POT1: variants seen among roughly 807,000 people sequenced by gnomAD.
POT1 encodes the protein protection of telomeres 1.
In POT1, 47 loss-of-function variants were observed where a neutral mutation model predicts 78.5. The ratio of observed to expected loss-of-function variants is 0.60; its 90% CI spans 0.47 to 0.76. The LOEUF (loss-of-function observed/expected upper bound fraction) is 0.76, where lower values mean the gene tolerates loss of function less well. POT1 is among the 30% of genes least tolerant of loss of function. The pLI, the probability that POT1 is intolerant of heterozygous loss-of-function variation, is 0.00. For missense variants in POT1, 646 were observed against 749.9 expected, an observed-to-expected ratio of 0.86 and a Z score of 1.62; for synonymous variants, 259 against 260.7, an observed-to-expected ratio of 0.99 and a Z score of 0.06.
intron 3 of POT1, among the ~76,000 whole-genome samples, chr7:124,912,392 A>T (rs1796908389): frequency 6.6e-6 from 1 of 152,110 alleles, no homozygotes; most frequent in Non-Finnish European, 1.5e-5. Flanking sequence ...CTGTTCTAGA[A>T]TACTCTTACT....
At chr7:124,830,380 C>A (rs1269684194) in intron 15 of POT1, among the ~76,000 whole-genome samples, 2 of 152,070 alleles carry the variant, frequency 1.3e-5, no homozygotes, top group Non-Finnish European at 2.9e-5. Flanking sequence ...AATTTGTTTT[C>A]ATTTGCACTT....
At chr7:124,873,760 C>T (rs543594921) in intron 6 of POT1, among the ~76,000 whole-genome samples, 2 of 152,100 alleles carry the variant, frequency 1.3e-5, no homozygotes, top group Non-Finnish European at 1.5e-5. Context: ...CTTCCTAGTC[C>T]CCTAGTAATG....
intron 6 of POT1, among the ~76,000 whole-genome samples, chr7:124,879,634 T>C (rs1411837557): frequency 6.6e-6 from 1 of 152,100 alleles, no homozygotes; most frequent in African/African-American, 2.4e-5. Context: ...TAAGACATAC[T>C]TGGAAAAGAA....
intron 10 of POT1, 50 bp downstream of exon 10, chr7:124,852,922 A>G: frequency 6.6e-7 from 1 of 1,513,012 alleles, no homozygotes; most frequent in Non-Finnish European, 9.0e-7. Flanking sequence ...TATCTTAGAA[A>G]TCGGCTTAAT....
rs1794707959 is a variant in POT1, at chr7:124,829,403, AC to A, written c.1506-62del. 1.4e-5 allele frequency: 15 copies of A among 1,041,992 alleles called. No individual in the cohort carries two copies. The South Asian group carries it at 2.2e-4, about 15-fold the overall frequency. The allele number at this position is 1,041,992 out of a possible 1,614,324, so 64.5% of individuals were successfully genotyped here. On this transcript the variant is annotated intron_variant, in intron 15 of 18. Transcript: ENST00000357628. ...AAAATAATTTAGCTTGTTTGTTATA[AC>A]TTTTTACTGCTCAAACATGTGTAGT...
Position 124,823,984 on chromosome 7 carries a change from G to A in POT1, c.1883C>T (p.Thr628Ile). 1 of 1,588,732 alleles carries A rather than the reference G, an allele frequency of 6.3e-7. No homozygotes were observed. Among genetic ancestry groups the A allele is most frequent in the Non-Finnish European group, 8.6e-7 (1 of 1,158,418 alleles). Residue 628 changes from threonine to isoleucine, a missense_variant, in exon 19 of 19, where the codon ACA (threonine) becomes ATA (isoleucine). By Grantham distance (89) the Thr-to-Ile change is moderately conservative. This residue lies in a region of POT1 where 394 missense variants were observed against 408.4 expected (regional missense o/e 0.96). Coordinates refer to ENST00000357628, the MANE Select transcript of POT1 (RefSeq NM_015450.3). ...NQICYQIFDT[T>I]VAEDVI ...ATATTAGATTACATCTTCTGCAACTGTGGTGTCAAAAATCTGATAGCAAAT... is the reference window on the plus strand; with the variant it reads ...ATATTAGATTACATCTTCTGCAACTATGGTGTCAAAAATCTGATAGCAAAT...
chr7:124,921,604 C>G (rs923305960), intron 2 of POT1, among the ~76,000 whole-genome samples: 4 of 152,024 alleles, frequency 2.6e-5, no homozygotes, highest in South Asian at 2.1e-4. Context: ...TTGTCCCTCA[C>G]CCCCTCAACT....
At chr7:124,860,274 A>C (rs907827974) in intron 8 of POT1, among the ~76,000 whole-genome samples, 13 of 152,034 alleles carry the variant, frequency 8.6e-5, no homozygotes, top group Admixed American at 8.5e-4. Flanking sequence ...CACTAAATAG[A>C]CCATCATGAA....
intron 11 of POT1, among the ~76,000 whole-genome samples, chr7:124,849,340 T>C (rs1201743235): frequency 6.6e-6 from 1 of 151,578 alleles, no homozygotes; most frequent in Non-Finnish European, 1.5e-5. Flanking sequence ...AGATAAAGAG[T>C]AAGAGCAGAA....
intron 6 of POT1, among the ~76,000 whole-genome samples, chr7:124,874,955 C>T (rs966507037): frequency 1.3e-5 from 2 of 151,654 alleles, no homozygotes; most frequent in Non-Finnish European, 2.9e-5. Flanking sequence ...CAAAAAAAAA[C>T]CCTAAAAATG....
At chr7:124,856,977 C>T (rs1439689027) in intron 9 of POT1, among the ~76,000 whole-genome samples, 2 of 152,202 alleles carry the variant, frequency 1.3e-5, no homozygotes, top group Non-Finnish European at 2.9e-5. Context: ...AGTACAGTCA[C>T]TATCTTCCTG....
Position 124,823,904 on chromosome 7 carries a change from A to C in POT1, c.*58T>G. ...ATACAAAACTCAGGTCAGGAAAAGA[A>C]GCTCAAACAGGGAAGGTGAGTGGCA... On this transcript the variant is annotated 3_prime_UTR_variant, in exon 19 of 19. Transcript: ENST00000357628. 2.7e-6 allele frequency: 3 copies of C among 1,098,928 alleles called. No individual in the cohort carries two copies. The highest frequency in any genetic ancestry group is 4.1e-6 in the Non-Finnish European group (3 of 726,078). The allele number at this position is 1,098,928 out of a possible 1,614,324, so 68.1% of individuals were successfully genotyped here.
intron 9 of POT1, among the ~76,000 whole-genome samples, chr7:124,855,663 A>C (rs1795430119): frequency 6.6e-6 from 1 of 151,898 alleles, no homozygotes; most frequent in African/African-American, 2.4e-5. Flanking sequence ...TAAATACTAA[A>C]AAAAAACTAG....
intron 2 of POT1, among the ~76,000 whole-genome samples, chr7:124,920,754 A>G (rs1439972048): frequency 1.3e-5 from 2 of 152,138 alleles, no homozygotes; most frequent in African/African-American, 2.4e-5. Flanking sequence ...TAACCCTAGT[A>G]GATACTAATG....
chr7:124,878,693 G>A (rs776309866), intron 6 of POT1, among the ~76,000 whole-genome samples: 2 of 151,972 alleles, frequency 1.3e-5, no homozygotes, highest in Admixed American at 6.6e-5. Context: ...TAGTGAAGGC[G>A]CAGTTTTATT....
intron 3 of POT1, among the ~76,000 whole-genome samples, chr7:124,912,228 C>T (rs1489274939): frequency 6.6e-6 from 1 of 151,836 alleles, no homozygotes; most frequent in Non-Finnish European, 1.5e-5. Flanking sequence ...GATATCATTA[C>T]CTCCATCTTT....
intron 9 of POT1, among the ~76,000 whole-genome samples, chr7:124,855,411 C>T (rs1030953203): frequency 4.0e-5 from 6 of 151,440 alleles, no homozygotes; most frequent in Admixed American, 3.3e-4. Context: ...AACAAAATTT[C>T]GAGGCCAAGA....
At chr7:124,834,822 T>C (rs1253069465) in intron 15 of POT1, among the ~76,000 whole-genome samples, 1 of 152,120 alleles carries the variant, frequency 6.6e-6, no homozygotes, top group Non-Finnish European at 1.5e-5. Context: ...CTATTCACAA[T>C]AGCAAAGACC....
chr7:124,921,883 C>A (rs1471298170), intron 2 of POT1, among the ~76,000 whole-genome samples: 1 of 151,826 alleles, frequency 6.6e-6, no homozygotes, highest in Non-Finnish European at 1.5e-5. Context: ...AAAAATATTT[C>A]AAGAAATATT....
Sources: gnomAD v4.1 joint callset for allele counts (sites outside exome capture counted in the v4.1 genomes callset) on GRCh38, gnomAD v4.1.1 for gene constraint, gnomAD v4.1.1 regional missense constraint, MANE v1.5 for transcripts, NCBI Gene and HGNC (gene_info 2026-07-23, HGNC 2026-07-21) for gene names.